ALPK3: variants seen among roughly 807,000 people sequenced by gnomAD.
ALPK3 encodes the protein alpha kinase 3.
ALPK3 carries 102 observed loss-of-function variants against 140.0 expected under a neutral mutation model. The ratio of observed to expected loss-of-function variants is 0.73; its 90% CI spans 0.62 to 0.86. The LOEUF is 0.86. Ranked by LOEUF, ALPK3 falls within the 40% of genes least tolerant of loss-of-function variation. ALPK3 has a pLI of 0.00. For synonymous variants in ALPK3, 938 were observed against 898.5 expected, an observed-to-expected ratio of 1.04 and a Z score of -0.79; for missense variants, 2,254 against 2,208.2, an observed-to-expected ratio of 1.02 and a Z score of -0.42.
chr15:84,829,332 C>T (rs1963521153), intron 3 of ALPK3, among the ~76,000 whole-genome samples: 1 of 152,198 alleles, frequency 6.6e-6, no homozygotes, highest in African/African-American at 2.4e-5. Flanking sequence ...AGTTGTGGAA[C>T]TTTGGTTCTT....
At position 84,857,676 on chromosome 15, in the gene ALPK3, G is replaced by A; in HGVS notation, c.2938G>A (p.Gly980Arg). 1.2e-6 allele frequency: 2 copies of A among 1,608,016 alleles called. No homozygotes were observed. The highest frequency in any genetic ancestry group is 1.1e-5 in the South Asian group (1 of 90,788). ...CAGCACAGAGACAAGTGGAGCAGGG[G>A]GAGAGTCCCAGGTGGGGGCAGCCAC... The part of the protein sequence containing the change: ...LSSTETSGAG[G>R]ESQVGAATGG... The change falls in exon 6 of 14, where the codon GGA becomes AGA. Residue 980 changes from glycine (G) to arginine (R), a missense_variant. Gly to Arg is a moderately radical substitution (Grantham distance 125). Coordinates refer to ENST00000258888, the MANE Select transcript of ALPK3 (RefSeq NM_020778.5).
In ALPK3 at chr15:84,868,747, CTT is replaced by C; in HGVS notation, c.*293_*294del. On this transcript the variant is annotated 3_prime_UTR_variant, in exon 14 of 14. Transcript: ENST00000258888. Reference sequence around the variant, plus strand: ...ACCTAGGCCCTCCTTGAAGTTTACACTTTGCCACTGCTGGAGGCTCCCCTGAG... The same window carrying C: ...ACCTAGGCCCTCCTTGAAGTTTACACTGCCACTGCTGGAGGCTCCCCTGAG... 2.2e-6 allele frequency: 1 copy of C among 453,234 alleles called. No individual in the cohort carries two copies. Among genetic ancestry groups the C allele is most frequent in the Non-Finnish European group, 4.0e-6 (1 of 249,048 alleles). 28.1% of individuals were successfully genotyped at this position (453,234 alleles called of 1,614,324 possible). A position where few individuals can be genotyped will look rare whatever the true frequency, so the allele number is the denominator to read the frequency against.
chr15:84,868,178 A>G lies in ALPK3; in HGVS notation c.4840A>G (p.Asn1614Asp). The change falls in exon 14 of 14, where the codon AAT (asparagine) becomes GAT (aspartate). Residue 1614 changes from asparagine to aspartate, a missense_variant. By Grantham distance (23) the Asn-to-Asp change is conservative. This residue lies in a region of ALPK3 where 158 missense variants were observed against 159.8 expected (regional missense o/e 0.99). Transcript: ENST00000258888. Reference protein sequence around the residue: ...LDRFASSHQCNAYCELLGLTP... With the variant: ...LDRFASSHQCDAYCELLGLTP... ...CCGGTTCGCCTCCTCCCACCAGTGC[A>G]ATGCCTACTGTGAGCTGCTGGGGCT... 6.2e-7 allele frequency: 1 copy of G among 1,614,100 alleles called. No homozygotes were observed. Among genetic ancestry groups the G allele is most frequent in the Non-Finnish European group, 8.5e-7 (1 of 1,180,010 alleles).
chr15:84,856,380 C>G lies in ALPK3; in HGVS notation c.1654-12C>G. 2 of 1,575,006 alleles carry G rather than the reference C, an allele frequency of 1.3e-6. No homozygotes were observed. The highest frequency in any genetic ancestry group is 2.7e-5 in the African/African-American group (2 of 73,434). On this transcript the variant is annotated splice_polypyrimidine_tract_variant and intron_variant, in intron 5 of 13. Coordinates refer to ENST00000258888, the MANE Select transcript of ALPK3 (RefSeq NM_020778.5). Reference sequence around the variant, plus strand: ...TGTAGTTAAATCCTTGCTTTTGTCCCTCTGTTTTCAGGTCCTGGAATGCCA... The same window carrying G: ...TGTAGTTAAATCCTTGCTTTTGTCCGTCTGTTTTCAGGTCCTGGAATGCCA...
rs201683803 is a variant in ALPK3, at chr15:84,857,727, C to T, written c.2989C>T (p.Leu997=). 3 of 1,613,344 alleles carry T rather than the reference C, an allele frequency of 1.9e-6. No individual in the cohort carries two copies. The highest frequency in any genetic ancestry group is 4.5e-5 in the East Asian group (2 of 44,874). Residue 997 remains leucine (L), a synonymous_variant, in exon 6 of 14, where the codon CTG becomes TTG. Transcript: ENST00000258888. ...ATGGLVPSAT[L]TPTVEVAGLS... ...CGGAGGTCTGGTGCCCTCAGCCACT[C>T]TGACACCCACTGTGGAAGTGGCTGG... is the stretch of plus-strand genomic sequence containing the variant.
chr15:84,857,123 A>G lies in ALPK3; in HGVS notation c.2385A>G (p.Ser795=), dbSNP rs1963873117. The G allele has an allele frequency of 4.3e-6, 7 of 1,614,066 alleles. No homozygotes were observed. Among genetic ancestry groups the G allele is most frequent in the African/African-American group, 4.0e-5 (3 of 74,930 alleles). The change falls in exon 6 of 14, where the codon TCA becomes TCG. Residue 795 remains serine (S), a synonymous_variant. Transcript: ENST00000258888. Reference sequence around the variant, plus strand: ...AGCAAACTGTGCTGGGTCCCCTGTCAGGGAACCTCATGCTCCCAGCACAGC... The same window carrying G: ...AGCAAACTGTGCTGGGTCCCCTGTCGGGGAACCTCATGCTCCCAGCACAGC... ...NHEQTVLGPL[S]GNLMLPAQPP... is the part of the protein sequence containing the mutation.
chr15:84,860,036 GTGT>G lies in ALPK3; in HGVS notation c.4097_4099del (p.Leu1366del). 1 of 1,614,152 alleles carries G rather than the reference GTGT, an allele frequency of 6.2e-7. No individual in the cohort carries two copies. Among genetic ancestry groups the G allele is most frequent in the Non-Finnish European group, 8.5e-7 (1 of 1,180,030 alleles). On this transcript the variant is annotated inframe_deletion and splice_region_variant, in exon 9 of 14. Coordinates refer to ENST00000258888, the MANE Select transcript of ALPK3 (RefSeq NM_020778.5). ...CTGCTTTCTTCTTTTTCTGTATCTA[GTGT>G]TGTCAGGATTCATCTCCAGAGAAGA...
rs777711325 is a variant in ALPK3 at position 84,862,702 on chromosome 15, G to A, written c.4197G>A (p.Gly1399=). The change falls in exon 10 of 14, where the codon GGG becomes GGA. Residue 1399 remains glycine, a synonymous_variant. Coordinates refer to ENST00000258888, the MANE Select transcript of ALPK3 (RefSeq NM_020778.5). ...AKGLADSGCW[G]DKLFGRLVSE... ...GTCTGGCTGACTCTGGCTGCTGGGG[G>A]GACAAGCTCTTTGGGCGACTGGTAA... 232 of 1,614,058 alleles carry A rather than the reference G, an allele frequency of 1.4e-4. 1 individual carries two copies. Among genetic ancestry groups the A allele is most frequent in the Non-Finnish European group, 1.8e-4 (214 of 1,180,036 alleles).
chr15:84,822,960 G>A lies in ALPK3; in HGVS notation c.144-370G>A, dbSNP rs117132434. On this transcript the variant is annotated intron_variant, in intron 1 of 13. Transcript: ENST00000258888. ...CCAAAGGCCAAGAATTGAAGCAGGAGCTTGCCCCCAGGCTGGTGTGCTGTG... is the reference window on the plus strand; with the variant it reads ...CCAAAGGCCAAGAATTGAAGCAGGAACTTGCCCCCAGGCTGGTGTGCTGTG... 5.0e-4 allele frequency among the ~76,000 whole-genome samples: 76 copies of A among 152,370 alleles called. No individual in the cohort carries two copies. The East Asian group carries it at 0.012, about 25-fold the overall frequency.
chr15:84,844,688 C>T (rs1265952320), intron 5 of ALPK3, among the ~76,000 whole-genome samples: 3 of 152,136 alleles, frequency 2.0e-5, no homozygotes, highest in Non-Finnish European at 4.4e-5. Flanking sequence ...GAAACCCCAT[C>T]TCTACTAAAA....
At chr15:84,847,209 GAGA>G (rs1963741695) in intron 5 of ALPK3, among the ~76,000 whole-genome samples, 1 of 4,500 alleles carries the variant, frequency 2.2e-4, no homozygotes, top group African/African-American at 7.5e-4. Context: ...GAGAAACGGG[GAGA>G]GAGAGAGAGA....
At chr15:84,867,968 C>G in intron 13 of ALPK3, 143 bp from the exon 14 acceptor site, 1 of 841,372 alleles carries the variant, frequency 1.2e-6, no homozygotes, top group Non-Finnish European at 1.9e-6. Context: ...GAGGTAGCAC[C>G]AAGGGAGAGT....
chr15:84,832,371 TC>T (rs1963553221), intron 3 of ALPK3, among the ~76,000 whole-genome samples: 1 of 152,252 alleles, frequency 6.6e-6, no homozygotes. Context: ...CCTGTTCACT[TC>T]ATCTTTGTGC....
At chr15:84,823,204 G>A in intron 1 of ALPK3, 126 bp from the exon 2 acceptor site, 1 of 1,040,246 alleles carries the variant, frequency 9.6e-7, no homozygotes, top group Admixed American at 1.9e-5. Flanking sequence ...TAAGACAGCT[G>A]GTCCCTTTTA....
rs975857797 is a variant in ALPK3, at chr15:84,840,085, T to C, written c.806T>C (p.Phe269Ser). 3.1e-6 allele frequency: 5 copies of C among 1,613,522 alleles called. No homozygotes were observed. In the African/African-American group the frequency reaches 6.7e-5, roughly 22 times the overall value. Residue 269 changes from phenylalanine to serine, a missense_variant, in exon 5 of 14, where the codon TTT becomes TCT. Coordinates refer to ENST00000258888, the MANE Select transcript of ALPK3 (RefSeq NM_020778.5). ...TCAGGTTTGGGCCTGATCAACAGTT[T>C]TGCTTCTGGAGAAGTGACCACCAAC... ...QHSGLGLINSFASGEVTTNGE... is the reference protein window; with the variant it reads ...QHSGLGLINSSASGEVTTNGE...
chr15:84,862,292 C>A (rs1963955292), intron 9 of ALPK3, among the ~76,000 whole-genome samples: 1 of 152,064 alleles, frequency 6.6e-6, no homozygotes, highest in Admixed American at 6.5e-5. Context: ...TTCTGGTATT[C>A]TGTATTGATT....
At chr15:84,835,707 C>A (rs1240176707) in intron 3 of ALPK3, among the ~76,000 whole-genome samples, 1 of 152,180 alleles carries the variant, frequency 6.6e-6, no homozygotes, top group Non-Finnish European at 1.5e-5. Context: ...ATCAGAGGGA[C>A]TGAACCCATC....
chr15:84,845,348 G>C (rs978709464), intron 5 of ALPK3, among the ~76,000 whole-genome samples: 1 of 152,226 alleles, frequency 6.6e-6, no homozygotes, highest in Non-Finnish European at 1.5e-5. Context: ...ATTCAGAGGA[G>C]CTGTGATCCT....
In ALPK3 at chr15:84,828,976, C is replaced by G. The variant is rs769406686; in HGVS notation, c.304+1371C>G. On this transcript the variant is annotated intron_variant, in intron 3 of 13. Transcript: ENST00000258888. ...TTCATGCTTTTGCACATCTCATTTT[C>G]TCTATTTAGAAAGTCCTTAATCCTT... 3.3e-5 allele frequency among the ~76,000 whole-genome samples: 5 copies of G among 152,180 alleles called. No individual in the cohort carries two copies. In the South Asian group the frequency reaches 8.3e-4, roughly 25 times the overall value.
Sources: allele counts gnomAD v4.1 joint callset (sites outside exome capture counted in the v4.1 genomes callset), GRCh38; gene constraint gnomAD v4.1.1; regional missense constraint gnomAD v4.1.1; transcripts MANE v1.5; gene names NCBI Gene and HGNC (gene_info 2026-07-23, HGNC 2026-07-21).